DNAAF10: variants seen among roughly 807,000 people sequenced by gnomAD.
The protein encoded by DNAAF10 is dynein axonemal assembly factor 10.
Under a neutral mutation model 43.7 loss-of-function variants are expected in DNAAF10, and 28 were observed. That is an observed-to-expected ratio of 0.64 (90% CI 0.48 to 0.88). The LOEUF (loss-of-function observed/expected upper bound fraction) is 0.88. DNAAF10 is among the 40% of genes least tolerant of loss of function. The pLI is 0.00. For synonymous variants in DNAAF10, 156 were observed against 157.3 expected, an observed-to-expected ratio of 0.99 and a Z score of 0.06; for missense variants, 403 against 439.1, an observed-to-expected ratio of 0.92 and a Z score of 0.73.
At chr2:68,145,542 T>C (rs1318743105) in intron 2 of DNAAF10, among the ~76,000 whole-genome samples, 1 of 152,254 alleles carries the variant, frequency 6.6e-6, no homozygotes, top group Non-Finnish European at 1.5e-5. Context: ...GGATAAAATA[T>C]GAGTAGTGTT....
At position 68,141,811 on chromosome 2, in the gene DNAAF10, G is replaced by GT; in HGVS notation, c.416-17dup. The GT allele has an allele frequency of 6.2e-7, 1 of 1,607,496 alleles. No homozygotes were observed. The highest frequency in any genetic ancestry group is 8.5e-7 in the Non-Finnish European group (1 of 1,175,926). ...TTCACAGTTCCTGCCATGCATAAAA[G>GT]TGAGTTGGCAAAAATTCAAAAGTAA... is the stretch of plus-strand genomic sequence containing the variant. On this transcript the variant is annotated splice_polypyrimidine_tract_variant and intron_variant, in intron 3 of 7. Coordinates refer to ENST00000295121, the MANE Select transcript of DNAAF10 (RefSeq NM_138458.4).
intron 1 of DNAAF10, 101 bp downstream of exon 1, chr2:68,157,160 C>T (rs772366613): frequency 1.4e-6 from 2 of 1,475,884 alleles, no homozygotes; most frequent in African/African-American, 1.4e-5. Context: ...TCAAGCCATG[C>T]TTTGGGGGAC....
chr2:68,137,459 G>A (rs146783261), intron 5 of DNAAF10, 26 bp from the exon 6 acceptor site: 48 of 1,596,222 alleles, frequency 3.0e-5, no homozygotes, highest in Non-Finnish European at 3.9e-5. Flanking sequence ...ACTTATTATT[G>A]GTAGTCTCAC....
At chr2:68,152,342 C>T (rs561220587) in intron 1 of DNAAF10, among the ~76,000 whole-genome samples, 76 of 152,250 alleles carry the variant, frequency 5.0e-4, no homozygotes, top group Admixed American at 1.1e-3. Flanking sequence ...ACATATTAAA[C>T]GTATTAAAAC....
At chr2:68,147,431 A>G in intron 2 of DNAAF10, 36 bp downstream of exon 2, 2 of 1,479,260 alleles carry the variant, frequency 1.4e-6, no homozygotes, top group Non-Finnish European at 1.9e-6. Flanking sequence ...TAAATTGCCT[A>G]TCTCATCTGT....
At position 68,130,128 on chromosome 2, in the gene DNAAF10, A is replaced by G. The variant is rs1672897569; in HGVS notation, c.*1110T>C. 3.6e-5 allele frequency: 5 copies of G among 138,944 alleles called. No homozygotes were observed. The South Asian group carries it at 1.1e-3, about 31-fold the overall frequency. 8.6% of individuals were successfully genotyped at this position (138,944 alleles called of 1,614,324 possible). A position where few individuals can be genotyped will look rare whatever the true frequency, so the allele number is the denominator to read the frequency against. ...TTGAGAGAGAGAGATATATATATAT[A>G]TATTTGTTTTTTTTTTTTTTGAGAC... On this transcript the variant is annotated 3_prime_UTR_variant, in exon 8 of 8. Transcript: ENST00000295121.
intron 6 of DNAAF10, among the ~76,000 whole-genome samples, chr2:68,136,854 C>T (rs1298154771): frequency 1.3e-5 from 2 of 151,824 alleles, no homozygotes; most frequent in Non-Finnish European, 2.9e-5. Flanking sequence ...ACTATAATCA[C>T]AGTACTCAGT....
intron 3 of DNAAF10, 96 bp from the exon 4 acceptor site, chr2:68,141,891 A>G (rs903108742): frequency 1.0e-6 from 1 of 966,648 alleles, no homozygotes; most frequent in Non-Finnish European, 1.6e-6. Flanking sequence ...GTACATGGCA[A>G]TATGACAGAT....
rs2103634119 is a variant in DNAAF10 at position 68,150,734 on chromosome 2, AAAAAT to A, written c.184-3172_184-3168del. The stretch of plus-strand genomic sequence containing the variant: ...GGCGACAGAGAGAGACTCCGTCTCA[AAAAAT>A]AAAATAAAATAAAAAAATAAAAATA... On this transcript the variant is annotated intron_variant, in intron 1 of 7. Transcript: ENST00000295121. Among the ~76,000 whole-genome samples, 3 of 151,588 alleles carry A rather than the reference AAAAAT, an allele frequency of 2.0e-5. No homozygotes were observed. In the East Asian group the frequency reaches 5.8e-4, roughly 29 times the overall value.
At chr2:68,139,698 G>A (rs1319044572) in intron 4 of DNAAF10, among the ~76,000 whole-genome samples, 2 of 151,548 alleles carry the variant, frequency 1.3e-5, no homozygotes, top group East Asian at 3.9e-4. Flanking sequence ...CAGCTACTCG[G>A]GAGGCTGAGG....
chr2:68,141,105 G>A (rs774249132), intron 4 of DNAAF10, among the ~76,000 whole-genome samples: 1 of 152,022 alleles, frequency 6.6e-6, no homozygotes, highest in Non-Finnish European at 1.5e-5. Context: ...CATATCAAAG[G>A]GCAAATGTCA....
At chr2:68,136,257 A>G (rs937255429) in intron 6 of DNAAF10, among the ~76,000 whole-genome samples, 1 of 151,820 alleles carries the variant, frequency 6.6e-6, no homozygotes. Flanking sequence ...AAACAAAACA[A>G]AAAACCAGAG....
At chr2:68,135,842 GA>G (rs1480787671) in intron 6 of DNAAF10, among the ~76,000 whole-genome samples, 2 of 152,192 alleles carry the variant, frequency 1.3e-5, no homozygotes, top group African/African-American at 4.8e-5. Context: ...CAAAAAGCAA[GA>G]GGGGAAATGA....
intron 7 of DNAAF10, among the ~76,000 whole-genome samples, chr2:68,132,579 T>G (rs758070510): frequency 3.3e-5 from 5 of 152,204 alleles, no homozygotes; most frequent in African/African-American, 4.8e-5. Flanking sequence ...AAAATCAGCA[T>G]GTTGAAGTTT....
In DNAAF10 at chr2:68,131,255, T is replaced by C; in HGVS notation, c.1057A>G (p.Lys353Glu). 6.2e-7 allele frequency: 1 copy of C among 1,613,986 alleles called. No homozygotes were observed. Among genetic ancestry groups the C allele is most frequent in the Non-Finnish European group, 8.5e-7 (1 of 1,179,978 alleles). The change falls in exon 8 of 8, where the codon AAG (lysine) becomes GAG (glutamate). Residue 353 changes from lysine (K) to glutamate (E), a missense_variant. Lys to Glu is a moderately conservative substitution (Grantham distance 56). Transcript: ENST00000295121. ...TCTTGAAGTCAAATTTTATTGAGCT[T>C]TGTAACGATCAGTACTCTCACCGTT... ...DQTVRVLIVT[K>E]LNKI
chr2:68,151,540 T>C (rs1475244761), intron 1 of DNAAF10, among the ~76,000 whole-genome samples: 2 of 152,196 alleles, frequency 1.3e-5, no homozygotes, highest in Non-Finnish European at 2.9e-5. Context: ...CTTTCTAGAA[T>C]GTGAGCACCA....
chr2:68,147,249 T>G (rs2103626872), intron 2 of DNAAF10, among the ~76,000 whole-genome samples: 1 of 152,310 alleles, frequency 6.6e-6, no homozygotes, highest in Non-Finnish European at 1.5e-5. Context: ...TTGATAATAT[T>G]ATCCAAAATA....
chr2:68,147,558 C>G lies in DNAAF10; in HGVS notation c.193G>C (p.Ala65Pro), dbSNP rs746998972. 1 of 1,608,874 alleles carries G rather than the reference C, an allele frequency of 6.2e-7. No individual in the cohort carries two copies. Among genetic ancestry groups the G allele is most frequent in the South Asian group, 1.1e-5 (1 of 90,248 alleles). The change falls in exon 2 of 8, where the codon GCC becomes CCC. Residue 65 changes from alanine (A) to proline (P), a missense_variant. Ala to Pro is a conservative substitution (Grantham distance 27). Transcript: ENST00000295121. Reference protein sequence around the residue: ...DLKLLREIEKAKPIKCGTFGA... With the variant: ...DLKLLREIEKPKPIKCGTFGA... ...AATGTTCCACATTTAATAGGTTTGGCCTTTTCAATCTTCATAGAAGGGAGG... is the reference window on the plus strand; with the variant it reads ...AATGTTCCACATTTAATAGGTTTGGGCTTTTCAATCTTCATAGAAGGGAGG...
chr2:68,138,235 A>G (rs1275283073), intron 5 of DNAAF10, among the ~76,000 whole-genome samples: 1 of 152,146 alleles, frequency 6.6e-6, no homozygotes, highest in Non-Finnish European at 1.5e-5. Context: ...AGTAAGATCA[A>G]CAAAACAATC....
Sources: allele counts gnomAD v4.1 joint callset (sites outside exome capture counted in the v4.1 genomes callset), GRCh38; gene constraint gnomAD v4.1.1; transcripts MANE v1.5; gene names NCBI Gene and HGNC (gene_info 2026-07-23, HGNC 2026-07-21).